The following KIFC1 variants were observed in gnomAD, a reference collection of about 807,000 sequenced individuals.
KIFC1 encodes the protein kinesin family member C1, also known as kinesin-like protein KIFC1.
Under a neutral mutation model 66.6 loss-of-function variants are expected in KIFC1, and 37 were observed. That is an observed-to-expected ratio of 0.56 (90% CI 0.43 to 0.73). The LOEUF is 0.73. Among genes scored for constraint, KIFC1 ranks in the 30% least tolerant of loss-of-function variants. KIFC1 has a pLI of 0.00. For missense variants in KIFC1, 721 were observed against 859.8 expected, an observed-to-expected ratio of 0.84 and a Z score of 2.02; for synonymous variants, 325 against 343.5, an observed-to-expected ratio of 0.95 and a Z score of 0.60.
rs765678209 is a variant in KIFC1, at chr6:33,405,366, C to T, written c.1271C>T (p.Pro424Leu). 1 of 1,610,956 alleles carries T rather than the reference C, an allele frequency of 6.2e-7. No homozygotes were observed. The highest frequency in any genetic ancestry group is 2.2e-5 in the East Asian group (1 of 44,802). Residue 424 changes from proline to leucine, a missense_variant, in exon 7 of 11, where the codon CCT (proline) becomes CTT (leucine). Physicochemically the swap from Pro to Leu is moderately conservative, Grantham distance 98 (BLOSUM62 -3). Transcript: ENST00000428849. The surrounding 1 kb of genome is among the most constrained non-coding windows in gnomAD (Gnocchi z 5.4). ...SGKTFTMEGG[P>L]GGDPQLEGLI... ...AAGACCTTCACAATGGAGGGTGGGC[C>T]TGGGGGAGACCCCCAGTTGGAGGGG...
Position 33,406,175 on chromosome 6 carries a change from C to A in KIFC1, c.1537-21C>A. The stretch of plus-strand genomic sequence containing the variant: ...TACTGACTTCTGCCTGCCTTTTTGC[C>A]CCTTCTGCTCCCATCCCCAGGTGGA... On this transcript the variant is annotated intron_variant, in intron 7 of 10. Coordinates refer to ENST00000428849, the MANE Select transcript of KIFC1 (RefSeq NM_002263.4). This position sits in a 1 kb window ranked among gnomAD's most constrained non-coding sequence, Gnocchi z 4.5. 6.4e-7 allele frequency: 1 copy of A among 1,572,124 alleles called. No homozygotes were observed. Among genetic ancestry groups the A allele is most frequent in the Non-Finnish European group, 8.6e-7 (1 of 1,157,396 alleles).
chr6:33,406,635 T>G lies in KIFC1; in HGVS notation c.1871T>G (p.Leu624Arg). 1 of 1,614,036 alleles carries G rather than the reference T, an allele frequency of 6.2e-7. No individual in the cohort carries two copies. Among genetic ancestry groups the G allele is most frequent in the Non-Finnish European group, 8.5e-7 (1 of 1,180,006 alleles). The change falls in exon 9 of 11, where the codon CTG becomes CGG. Residue 624 changes from leucine (L) to arginine (R), a missense_variant. Coordinates refer to ENST00000428849, the MANE Select transcript of KIFC1 (RefSeq NM_002263.4). This position sits in a 1 kb window ranked among gnomAD's most constrained non-coding sequence, Gnocchi z 4.5. Reference protein sequence around the residue: ...PYRNSKLTYLLQNSLGGSAKM... With the variant: ...PYRNSKLTYLRQNSLGGSAKM... ...CGGAACAGCAAACTGACCTACCTGCTGCAGAACTCTCTGGGTGGTAGTGCT... is the reference window on the plus strand; with the variant it reads ...CGGAACAGCAAACTGACCTACCTGCGGCAGAACTCTCTGGGTGGTAGTGCT...
rs544756538 is a variant in KIFC1 at position 33,403,850 on chromosome 6, G to A, written c.477G>A (p.Thr159=). ...AACGGTGCCGTGAGAGGACTCAAAC[G>A]TTGGACCAAGAGAACCAGCAGCTTC... ...ELKRCRERTQ[T]LDQENQQLQD... is the part of the protein sequence containing the mutation. Residue 159 remains threonine (T), a synonymous_variant, in exon 6 of 11, where the codon ACG becomes ACA. Coordinates refer to ENST00000428849, the MANE Select transcript of KIFC1 (RefSeq NM_002263.4). The surrounding 1 kb of genome is among the most constrained non-coding windows in gnomAD (Gnocchi z 4.6). 45 of 1,614,126 alleles carry A rather than the reference G, an allele frequency of 2.8e-5. No homozygotes were observed. Among genetic ancestry groups the A allele is most frequent in the Non-Finnish European group, 3.6e-5 (43 of 1,180,056 alleles).
rs1005748888 is a variant in KIFC1, at chr6:33,393,111, G to A, written c.12+1114G>A. Among the ~76,000 whole-genome samples the A allele has an allele frequency of 4.6e-5, 7 of 152,150 alleles. No individual in the cohort carries two copies. In the East Asian group the frequency reaches 1.3e-3, roughly 29 times the overall value. ...TCAGTAACCCCCATGGAAAAGATGA[G>A]TTGAATAAAGACTTGAAGGAAGTGA... On this transcript the variant is annotated intron_variant, in intron 1 of 10. Coordinates refer to ENST00000428849, the MANE Select transcript of KIFC1 (RefSeq NM_002263.4).
At chr6:33,409,558 C>A in intron 10 of KIFC1, 88 bp from the exon 11 acceptor site, 1 of 1,296,384 alleles carries the variant, frequency 7.7e-7, no homozygotes, top group Non-Finnish European at 1.1e-6. Context: ...CTGAGGGCAG[C>A]CCTAGCATTG....
rs1210404029 is a variant in KIFC1, at chr6:33,404,078, G to A, written c.705G>A (p.Val235=). ...GLVQELQKKQ[V]ELQEERRGLM... ...TGCAAGAGCTTCAGAAAAAACAGGT[G>A]GAATTGCAGGAAGAACGGAGGGGAC... Residue 235 remains valine, a synonymous_variant, in exon 6 of 11, where the codon GTG becomes GTA. Transcript: ENST00000428849. This position sits in a 1 kb window ranked among gnomAD's most constrained non-coding sequence, Gnocchi z 4.0. 6.2e-7 allele frequency: 1 copy of A among 1,614,074 alleles called. No individual in the cohort carries two copies. Among genetic ancestry groups the A allele is most frequent in the East Asian group, 2.2e-5 (1 of 44,880 alleles).
intron 1 of KIFC1, among the ~76,000 whole-genome samples, chr6:33,394,826 C>T (rs1234218313): frequency 6.6e-6 from 1 of 152,110 alleles, no homozygotes; most frequent in African/African-American, 2.4e-5. Flanking sequence ...GGTGCAGGAT[C>T]GAGGTCTGAG....
chr6:33,409,640 C>A lies in KIFC1; in HGVS notation c.1978-6C>A. The stretch of plus-strand genomic sequence containing the variant: ...ACTTTTATCCTGTCTAACCCCCTGC[C>A]CCCAGGTGAACCAGTGTGTTATTGG... On this transcript the variant is annotated splice_region_variant and splice_polypyrimidine_tract_variant and intron_variant, in intron 10 of 10. Coordinates refer to ENST00000428849, the MANE Select transcript of KIFC1 (RefSeq NM_002263.4). The A allele has an allele frequency of 6.2e-7, 1 of 1,613,276 alleles. No homozygotes were observed. The highest frequency in any genetic ancestry group is 2.2e-5 in the East Asian group (1 of 44,852).
At chr6:33,402,400 A>AC (rs1054517289) in intron 3 of KIFC1, among the ~76,000 whole-genome samples, 2 of 152,200 alleles carry the variant, frequency 1.3e-5, no homozygotes, top group African/African-American at 4.8e-5. Context: ...ACATTGTGTT[A>AC]GATATTATAA....
In KIFC1 at chr6:33,403,510, T is replaced by G. The variant is rs1435516586; in HGVS notation, c.330T>G (p.Pro110=). 6.2e-7 allele frequency: 1 copy of G among 1,614,168 alleles called. No homozygotes were observed. The highest frequency in any genetic ancestry group is 1.7e-5 in the Admixed American group (1 of 60,030). ...GGTTGAAGAACCAGAAGCCAGTTCC[T>G]GCTGTTCCTGTCCAGAAGTCTGGCA... ...ATGLKNQKPV[P]AVPVQKSGTS... is the part of the protein sequence containing the mutation. The change falls in exon 5 of 11, where the codon CCT becomes CCG. Residue 110 remains proline (P), a synonymous_variant. Coordinates refer to ENST00000428849, the MANE Select transcript of KIFC1 (RefSeq NM_002263.4). This position sits in a 1 kb window ranked among gnomAD's most constrained non-coding sequence, Gnocchi z 4.6.
chr6:33,396,493 T>A lies in KIFC1; in HGVS notation c.13-1536T>A, dbSNP rs561309251. Among the ~76,000 whole-genome samples the A allele has an allele frequency of 1.5e-3, 214 of 143,052 alleles. 1 individual carries two copies. The highest frequency in any genetic ancestry group is 4.5e-3 in the African/African-American group (169 of 37,464). 93.8% of individuals were successfully genotyped at this position (143,052 alleles called of 152,430 possible). A position where few individuals can be genotyped will look rare whatever the true frequency, so the allele number is the denominator to read the frequency against. ...CAATATGTCGCCCAGGCTGGAGTGC[T>A]GGAGTGCAGTGGCATGATCACGGCT... On this transcript the variant is annotated intron_variant, in intron 1 of 10. Transcript: ENST00000428849.
rs746813973 is a variant in KIFC1 at position 33,406,788 on chromosome 6, G to A, written c.1902-12G>A. The A allele has an allele frequency of 6.8e-6, 11 of 1,614,024 alleles. No homozygotes were observed. The highest frequency in any genetic ancestry group is 5.0e-5 in the Admixed American group (3 of 60,002). On this transcript the variant is annotated splice_polypyrimidine_tract_variant and intron_variant, in intron 9 of 10. Transcript: ENST00000428849. This position sits in a 1 kb window ranked among gnomAD's most constrained non-coding sequence, Gnocchi z 4.5. Reference sequence around the variant, plus strand: ...CCCTAATGCTGGGGTTGGGCACATTGTCTTTTCATAGGCTCATGTTTGTGA... The same window carrying A: ...CCCTAATGCTGGGGTTGGGCACATTATCTTTTCATAGGCTCATGTTTGTGA...
chr6:33,400,622 T>G lies in KIFC1; in HGVS notation c.250+2235T>G. The G allele has an allele frequency of 2.5e-6, 2 of 794,116 alleles. No individual in the cohort carries two copies. Among genetic ancestry groups the G allele is most frequent in the Non-Finnish European group, 4.1e-6 (2 of 486,260 alleles). The allele number at this position is 794,116 out of a possible 1,614,324, so 49.2% of individuals were successfully genotyped here. A position where few individuals can be genotyped will look rare whatever the true frequency, so the allele number is the denominator to read the frequency against. ...GACCGAAGAAAGTTGCACCTTGGCC[T>G]CCTCCGAGCCGAAAGCCGAGAGCTT... is the stretch of plus-strand genomic sequence containing the variant. On this transcript the variant is annotated intron_variant, in intron 3 of 10. Coordinates refer to ENST00000428849, the MANE Select transcript of KIFC1 (RefSeq NM_002263.4). This position sits in a 1 kb window ranked among gnomAD's most constrained non-coding sequence, Gnocchi z 4.3.
rs1184633417 is a variant in KIFC1, at chr6:33,405,650, T to C, written c.1536+19T>C. Reference sequence around the variant, plus strand: ...GAAAGAAGTGAGGACCCATGGGCACTGGAACTGGGAAATGGGGAGGAGTGG... The same window carrying C: ...GAAAGAAGTGAGGACCCATGGGCACCGGAACTGGGAAATGGGGAGGAGTGG... On this transcript the variant is annotated intron_variant, in intron 7 of 10. Transcript: ENST00000428849. The surrounding 1 kb of genome is among the most constrained non-coding windows in gnomAD (Gnocchi z 5.4). The C allele has an allele frequency of 4.0e-6, 6 of 1,482,300 alleles. No homozygotes were observed. Among genetic ancestry groups the C allele is most frequent in the South Asian group, 1.4e-5 (1 of 71,760 alleles). The allele number at this position is 1,482,300 out of a possible 1,614,324, so 91.8% of individuals were successfully genotyped here.
chr6:33,405,725 T>C lies in KIFC1; in HGVS notation c.1536+94T>C. On this transcript the variant is annotated intron_variant, in intron 7 of 10. Transcript: ENST00000428849. This position sits in a 1 kb window ranked among gnomAD's most constrained non-coding sequence, Gnocchi z 5.4. ...GAGGGAGAAAGGAGCAAGAGAGAAT[T>C]GAAGGATGAAGTGCAAGTTATCAGG... 2 of 1,257,928 alleles carry C rather than the reference T, an allele frequency of 1.6e-6. No individual in the cohort carries two copies. Among genetic ancestry groups the C allele is most frequent in the Non-Finnish European group, 2.1e-6 (2 of 950,840 alleles). 77.9% of individuals were successfully genotyped at this position (1,257,928 alleles called of 1,614,324 possible).
chr6:33,398,588 C>G (rs577184662), intron 3 of KIFC1, among the ~76,000 whole-genome samples: 2 of 152,132 alleles, frequency 1.3e-5, no homozygotes, highest in Non-Finnish European at 2.9e-5. Context: ...CTCAGCCTCC[C>G]GAGTAGCTGG....
Position 33,391,894 on chromosome 6 carries a change from CGCGA to C in KIFC1, c.-88_-85del. 1 of 1,510,504 alleles carries C rather than the reference CGCGA, an allele frequency of 6.6e-7. No homozygotes were observed. Among genetic ancestry groups the C allele is most frequent in the Non-Finnish European group, 9.2e-7 (1 of 1,091,162 alleles). The allele number at this position is 1,510,504 out of a possible 1,614,324, so 93.6% of individuals were successfully genotyped here. On this transcript the variant is annotated 5_prime_UTR_variant, in exon 1 of 11. Coordinates refer to ENST00000428849, the MANE Select transcript of KIFC1 (RefSeq NM_002263.4). ...GCCGTGCGAGTTCTCTACCCTGCTTCGCGAGCGGGCGAGAGAACGCGAGTCCCAG... is the reference window on the plus strand; with the variant it reads ...GCCGTGCGAGTTCTCTACCCTGCTTCGCGGGCGAGAGAACGCGAGTCCCAG...
At position 33,400,999 on chromosome 6, in the gene KIFC1, G is replaced by A. The variant is rs926205205; in HGVS notation, c.251-2315G>A. Among the ~76,000 whole-genome samples the A allele has an allele frequency of 3.3e-5, 5 of 152,084 alleles. No individual in the cohort carries two copies. The highest frequency in any genetic ancestry group is 9.7e-5 in the African/African-American group (4 of 41,420). ...CAACTGAAAACACAAACATTGTATA[G>A]CTTTACAGAAATATTTTATTCCTTT... On this transcript the variant is annotated intron_variant, in intron 3 of 10. Transcript: ENST00000428849. This position sits in a 1 kb window ranked among gnomAD's most constrained non-coding sequence, Gnocchi z 4.3.
Position 33,409,804 on chromosome 6 carries a change from T to A in KIFC1, c.*114T>A. The A allele has an allele frequency of 2.6e-6, 3 of 1,137,124 alleles. No individual in the cohort carries two copies. The highest frequency in any genetic ancestry group is 3.9e-6 in the Non-Finnish European group (3 of 773,374). 70.4% of individuals were successfully genotyped at this position (1,137,124 alleles called of 1,614,324 possible). A position where few individuals can be genotyped will look rare whatever the true frequency, so the allele number is the denominator to read the frequency against. The stretch of plus-strand genomic sequence containing the variant: ...GGGTGGGAGGGTTGCTGGAGGGTGC[T>A]TTATTGGGTGGAGGGCACCATGTCC... On this transcript the variant is annotated 3_prime_UTR_variant, in exon 11 of 11. Coordinates refer to ENST00000428849, the MANE Select transcript of KIFC1 (RefSeq NM_002263.4).
Sources: gnomAD v4.1 joint callset for allele counts (sites outside exome capture counted in the v4.1 genomes callset) on GRCh38, gnomAD v4.1.1 for gene constraint, Gnocchi (gnomAD v3.1) non-coding constraint, MANE v1.5 for transcripts, NCBI Gene and HGNC (gene_info 2026-07-23, HGNC 2026-07-21) for gene names.